Variants in CFAP299 observed in about 807,000 individuals in gnomAD.
CFAP299 encodes the protein cilia and flagella associated protein 299.
Under a neutral mutation model 27.0 loss-of-function variants are expected in CFAP299, and 21 were observed. The observed-to-expected ratio is 0.78, with a 90% CI of 0.55 to 1.12. The LOEUF (loss-of-function observed/expected upper bound fraction) is 1.12, where lower values mean the gene tolerates loss of function less well. CFAP299 is among the 50% of genes most tolerant of loss of function. The probability of loss-of-function intolerance (pLI) is 0.00; values close to 1 mark genes in which losing one functional copy is unlikely to be tolerated. For synonymous variants in CFAP299, 104 were observed against 98.1 expected, an observed-to-expected ratio of 1.06 and a Z score of -0.36; for missense variants, 310 against 276.6, an observed-to-expected ratio of 1.12 and a Z score of -0.86.
Position 80,710,675 on chromosome 4 carries a change from A to G in CFAP299, c.333+127492A>G, listed in dbSNP as rs1173749542. Among the ~76,000 whole-genome samples, 3 of 151,616 alleles carry G rather than the reference A, an allele frequency of 2.0e-5. No homozygotes were observed. In the East Asian group the frequency reaches 5.8e-4, roughly 29 times the overall value. ...CTGATTCTACCAGCGTTCCAACTAC[A>G]TCATCCCTCATCCCCTTTACCCACT... is the stretch of plus-strand genomic sequence containing the variant. On this transcript the variant is annotated intron_variant, in intron 3 of 5. Coordinates refer to ENST00000358105, the MANE Select transcript of CFAP299 (RefSeq NM_152770.3).
chr4:80,917,960 A>G (rs1049810787), intron 4 of CFAP299, among the ~76,000 whole-genome samples: 1 of 152,226 alleles, frequency 6.6e-6, no homozygotes, highest in East Asian at 1.9e-4. Context: ...AATCATTTGT[A>G]TGAAATGATA....
intron 3 of CFAP299, among the ~76,000 whole-genome samples, chr4:80,693,928 T>C (rs1720923106): frequency 6.6e-6 from 1 of 152,028 alleles, no homozygotes. Context: ...ACTCAGTAGA[T>C]TATTGCCCTT....
At chr4:80,478,063 T>C (rs917441296) in intron 2 of CFAP299, among the ~76,000 whole-genome samples, 1 of 152,334 alleles carries the variant, frequency 6.6e-6, no homozygotes, top group Non-Finnish European at 1.5e-5. Flanking sequence ...ATTGCTCATT[T>C]ACTCCCCCAG....
At chr4:80,443,709 G>C (rs1284208261) in intron 2 of CFAP299, among the ~76,000 whole-genome samples, 2 of 152,044 alleles carry the variant, frequency 1.3e-5, no homozygotes, top group Admixed American at 6.6e-5. Flanking sequence ...AGAAATAAAG[G>C]GTATTCAAAT....
At chr4:80,393,597 A>G (rs768852048) in intron 2 of CFAP299, among the ~76,000 whole-genome samples, 2 of 152,134 alleles carry the variant, frequency 1.3e-5, no homozygotes, top group African/African-American at 2.4e-5. Flanking sequence ...TTGTGTTCCA[A>G]TTGCCTGCAG....
intron 2 of CFAP299, among the ~76,000 whole-genome samples, chr4:80,505,018 A>T (rs6829720): frequency 0.23 from 34,248 of 148,524 alleles, 4,788 homozygotes; most frequent in African/African-American, 0.39. Context: ...TTTATATATC[A>T]TTTATATGTC....
intron 3 of CFAP299, 76 bp downstream of exon 3, chr4:80,583,259 T>C: frequency 1.3e-6 from 1 of 770,732 alleles, no homozygotes; most frequent in Non-Finnish European, 2.0e-6. Flanking sequence ...TAACATTAAA[T>C]ATCTTTCTTA....
At chr4:80,702,118 A>T (rs915610441) in intron 3 of CFAP299, among the ~76,000 whole-genome samples, 1 of 151,776 alleles carries the variant, frequency 6.6e-6, no homozygotes, top group Non-Finnish European at 1.5e-5. Flanking sequence ...GAAATGCATA[A>T]ATATATTTAT....
chr4:80,366,977 C>A lies in CFAP299; in HGVS notation c.242+4093C>A, dbSNP rs80249392. ...AAAAAGACTACTTACTGCATGATAC[C>A]ATTTATATAAAATGTCCAGTATCAG... On this transcript the variant is annotated intron_variant, in intron 2 of 5. Coordinates refer to ENST00000358105, the MANE Select transcript of CFAP299 (RefSeq NM_152770.3). 1.6e-4 allele frequency among the ~76,000 whole-genome samples: 25 copies of A among 152,146 alleles called. 1 individual carries two copies. In the East Asian group the frequency reaches 4.8e-3, roughly 29 times the overall value.
chr4:80,897,219 G>A (rs1377170351), intron 4 of CFAP299, among the ~76,000 whole-genome samples: 1 of 152,086 alleles, frequency 6.6e-6, no homozygotes, highest in Non-Finnish European at 1.5e-5. Context: ...GTATTCCAGA[G>A]CAGTTTTCAT....
chr4:80,669,070 T>G (rs1019686630), intron 3 of CFAP299, among the ~76,000 whole-genome samples: 10 of 151,488 alleles, frequency 6.6e-5, no homozygotes, highest in African/African-American at 2.2e-4. Flanking sequence ...TTTATATTCT[T>G]TGTAGCTCTT....
intron 3 of CFAP299, among the ~76,000 whole-genome samples, chr4:80,837,285 A>G (rs1034010130): frequency 1.3e-4 from 20 of 152,194 alleles, no homozygotes; most frequent in Non-Finnish European, 2.4e-4. Context: ...TGTTTTTAAT[A>G]TCTCTCTTGT....
rs1353616082 is a variant in CFAP299, at chr4:80,602,227, A to G, written c.333+19044A>G. Among the ~76,000 whole-genome samples, 3 of 152,262 alleles carry G rather than the reference A, an allele frequency of 2.0e-5. No individual in the cohort carries two copies. In the East Asian group the frequency reaches 5.8e-4, roughly 29 times the overall value. The stretch of plus-strand genomic sequence containing the variant: ...CTGAACTTAAAATAAAAGTTAAAAA[A>G]AAAAATTCAACAGGTTCCAAATAAA... On this transcript the variant is annotated intron_variant, in intron 3 of 5. Coordinates refer to ENST00000358105, the MANE Select transcript of CFAP299 (RefSeq NM_152770.3).
intron 3 of CFAP299, among the ~76,000 whole-genome samples, chr4:80,756,444 G>A (rs118157532): frequency 6.6e-6 from 1 of 152,048 alleles, no homozygotes; most frequent in East Asian, 1.9e-4. Context: ...CATATCAGGG[G>A]TTGGCAAACT....
chr4:80,791,213 T>TAA (rs150609456), intron 3 of CFAP299, among the ~76,000 whole-genome samples: 2 of 148,628 alleles, frequency 1.3e-5, no homozygotes, highest in African/African-American at 4.9e-5. Flanking sequence ...TCCATGAAAA[T>TAA]AAAAAAAAAA....
chr4:80,916,283 A>ATATATATG (rs1735756427), intron 4 of CFAP299, among the ~76,000 whole-genome samples: 2 of 116,258 alleles, frequency 1.7e-5, no homozygotes, highest in Non-Finnish European at 3.3e-5. Flanking sequence ...ATATATATAT[A>ATATATATG]TATATATATA....
At chr4:80,363,125 A>G (rs1723637046) in intron 2 of CFAP299, among the ~76,000 whole-genome samples, 1 of 152,236 alleles carries the variant, frequency 6.6e-6, no homozygotes, top group African/African-American at 2.4e-5. Context: ...CATCATACCA[A>G]TAAAGTCTTG....
intron 4 of CFAP299, among the ~76,000 whole-genome samples, chr4:80,877,874 G>T (rs936062585): frequency 4.0e-5 from 6 of 151,876 alleles, no homozygotes; most frequent in Non-Finnish European, 5.9e-5. Context: ...TTCCAAACTT[G>T]CTTCAATTCT....
chr4:80,843,243 A>G (rs1387349974), intron 3 of CFAP299, among the ~76,000 whole-genome samples: 1 of 151,842 alleles, frequency 6.6e-6, no homozygotes, highest in African/African-American at 2.4e-5. Flanking sequence ...CTGCCACCCC[A>G]CAACAGGCCC....
Sources: gnomAD v4.1 joint callset for allele counts (sites outside exome capture counted in the v4.1 genomes callset) on GRCh38, gnomAD v4.1.1 for gene constraint, MANE v1.5 for transcripts, NCBI Gene and HGNC (gene_info 2026-07-23, HGNC 2026-07-21) for gene names.